The following CACNA1C variants were observed in gnomAD, a reference collection of about 807,000 sequenced individuals.
The protein encoded by CACNA1C is voltage-dependent L-type calcium channel subunit alpha-1C.
In CACNA1C, 30 loss-of-function variants were observed where a neutral mutation model predicts 229.0. That is an observed-to-expected ratio of 0.13 (90% CI 0.10 to 0.18). The LOEUF is 0.18. Ranked by LOEUF, CACNA1C falls within the 10% of genes least tolerant of loss-of-function variation. The probability of loss-of-function intolerance (pLI) is 1.00; values close to 1 mark genes in which losing one functional copy is unlikely to be tolerated. For missense variants in CACNA1C, 1,658 were observed against 2,845.0 expected, an observed-to-expected ratio of 0.58 and a Z score of 9.49; for synonymous variants, 1,114 against 1,132.5, an observed-to-expected ratio of 0.98 and a Z score of 0.33.
intron 1 of CACNA1C, among the ~76,000 whole-genome samples, chr12:2,068,166 G>C (rs1301887462): frequency 3.3e-5 from 5 of 152,214 alleles, no homozygotes; most frequent in Non-Finnish European, 7.3e-5. Flanking sequence ...ATGAAAGGAT[G>C]TGAGTCTTTG....
At chr12:2,036,558 C>CG (rs2049173884) in intron 1 of CACNA1C, among the ~76,000 whole-genome samples, 1 of 151,984 alleles carries the variant, frequency 6.6e-6, no homozygotes, top group African/African-American at 2.4e-5. Context: ...CTCTGCCTCT[C>CG]GGGTTCAAGA....
intron 1 of CACNA1C, among the ~76,000 whole-genome samples, chr12:1,978,740 T>C (rs1297601052): frequency 1.3e-5 from 2 of 152,184 alleles, no homozygotes; most frequent in Non-Finnish European, 2.9e-5. Flanking sequence ...CTAGATTAGT[T>C]TTGCCTGTTC....
intron 3 of CACNA1C, among the ~76,000 whole-genome samples, chr12:2,373,845 T>C (rs2097940472): frequency 6.6e-6 from 1 of 152,246 alleles, no homozygotes; most frequent in African/African-American, 2.4e-5. Context: ...CCTCATGCTT[T>C]TCTCCAGTAT....
At chr12:2,262,325 G>A (rs966307328) in intron 3 of CACNA1C, among the ~76,000 whole-genome samples, 10 of 152,238 alleles carry the variant, frequency 6.6e-5, no homozygotes, top group Non-Finnish European at 8.8e-5. Context: ...GTGTTGGCAT[G>A]TAATTTGGAA....
intron 3 of CACNA1C, among the ~76,000 whole-genome samples, chr12:2,393,515 T>G (rs569488743): frequency 6.6e-6 from 1 of 152,346 alleles, no homozygotes; most frequent in East Asian, 1.9e-4. Flanking sequence ...AGCCGAAAGC[T>G]TACCCCCACT....
chr12:2,523,030 G>A lies in CACNA1C; in HGVS notation c.1390+10046G>A, dbSNP rs111267478. On this transcript the variant is annotated intron_variant, in intron 9 of 46. Coordinates refer to ENST00000399655, the MANE Select transcript of CACNA1C (RefSeq NM_000719.7). ...AGGGGAACCAGAAGTGGGCCCTCCA[G>A]TCCCCCAGCCGGAACAGCCTGTGAA... is the stretch of plus-strand genomic sequence containing the variant. 4.6e-5 allele frequency among the ~76,000 whole-genome samples: 7 copies of A among 151,814 alleles called. 1 individual carries two copies. Among genetic ancestry groups the A allele is most frequent in the African/African-American group, 1.7e-4 (7 of 41,344 alleles).
chr12:2,497,634 A>G (rs1486792144), intron 7 of CACNA1C, among the ~76,000 whole-genome samples: 5 of 151,962 alleles, frequency 3.3e-5, no homozygotes, highest in Non-Finnish European at 5.9e-5. Flanking sequence ...TTCCCATCCT[A>G]TTGGGACCAC....
At chr12:2,499,356 C>T (rs73046238) in intron 7 of CACNA1C, among the ~76,000 whole-genome samples, 2,034 of 152,100 alleles carry the variant, frequency 0.013, 31 homozygotes, top group Non-Finnish European at 0.023. Flanking sequence ...TTTGCTGAAA[C>T]GATTCAGCCT....
In CACNA1C at chr12:2,658,149, A is replaced by C. The variant is rs570206075; in HGVS notation, c.4232+2911A>C. 2.8e-4 allele frequency among the ~76,000 whole-genome samples: 42 copies of C among 152,342 alleles called. No homozygotes were observed. In the South Asian group the frequency reaches 8.3e-3, roughly 30 times the overall value. ...TATACTCAGTAAATGGCCAAAAAAA[A>C]CACATTCTTTTTAAACACCTCAGAA... On this transcript the variant is annotated intron_variant, in intron 34 of 46. Coordinates refer to ENST00000399655, the MANE Select transcript of CACNA1C (RefSeq NM_000719.7).
chr12:2,042,612 C>T (rs976929211), intron 1 of CACNA1C, among the ~76,000 whole-genome samples: 1 of 152,176 alleles, frequency 6.6e-6, no homozygotes, highest in African/African-American at 2.4e-5. Flanking sequence ...ATTCACACCA[C>T]AGGGATATGG....
intron 3 of CACNA1C, among the ~76,000 whole-genome samples, chr12:2,314,968 G>A (rs897518060): frequency 2.0e-5 from 3 of 152,150 alleles, no homozygotes; most frequent in Non-Finnish European, 4.4e-5. Flanking sequence ...CTCAGCCCCT[G>A]CCGACTTGCC....
At chr12:2,031,828 C>T (rs1423609494) in intron 1 of CACNA1C, among the ~76,000 whole-genome samples, 1 of 152,090 alleles carries the variant, frequency 6.6e-6, no homozygotes, top group East Asian at 1.9e-4. Flanking sequence ...TGAGATGCCC[C>T]GAGAATACTG....
In CACNA1C at chr12:2,677,900, A is replaced by G. The variant is rs773679302; in HGVS notation, c.5091+33A>G. On this transcript the variant is annotated intron_variant, in intron 41 of 46. Coordinates refer to ENST00000399655, the MANE Select transcript of CACNA1C (RefSeq NM_000719.7). The surrounding 1 kb of genome is among the most constrained non-coding windows in gnomAD (Gnocchi z 7.4). Reference sequence around the variant, plus strand: ...GTGCCATGGCGCACTCTCGACCCCTATAAAGTTCAGTTTGGAGCAAGAGGT... The same window carrying G: ...GTGCCATGGCGCACTCTCGACCCCTGTAAAGTTCAGTTTGGAGCAAGAGGT... 3 of 1,610,972 alleles carry G rather than the reference A, an allele frequency of 1.9e-6. No individual in the cohort carries two copies. The highest frequency in any genetic ancestry group is 2.5e-6 in the Non-Finnish European group (3 of 1,177,674).
intron 3 of CACNA1C, among the ~76,000 whole-genome samples, chr12:2,357,118 A>T (rs547342610): frequency 6.6e-6 from 1 of 152,322 alleles, no homozygotes; most frequent in East Asian, 1.9e-4. Flanking sequence ...TCACTCATTG[A>T]TGAGAACCAA....
intron 9 of CACNA1C, among the ~76,000 whole-genome samples, chr12:2,520,653 A>G: frequency 8.4e-6 from 1 of 119,212 alleles, no homozygotes; most frequent in South Asian, 3.1e-4. Flanking sequence ...CAGTCTTCTC[A>G]TTGACCAATG....
chr12:2,092,598 G>A (rs764310467), intron 1 of CACNA1C, among the ~76,000 whole-genome samples: 4 of 152,210 alleles, frequency 2.6e-5, no homozygotes, highest in African/African-American at 7.2e-5. Flanking sequence ...GACAGTTGGC[G>A]TCCTTCAGTG....
chr12:2,311,373 T>G (rs958214716), intron 3 of CACNA1C, among the ~76,000 whole-genome samples: 2 of 152,202 alleles, frequency 1.3e-5, no homozygotes, highest in African/African-American at 2.4e-5. Context: ...CTGTATTCTC[T>G]AAGGCCTGCA....
chr12:2,393,048 A>C (rs903607842), intron 3 of CACNA1C, among the ~76,000 whole-genome samples: 1 of 152,100 alleles, frequency 6.6e-6, no homozygotes, highest in Non-Finnish European at 1.5e-5. Flanking sequence ...GTACAAACAC[A>C]TGCCCCTCAG....
chr12:2,662,588 T>C (rs892860588), intron 34 of CACNA1C, among the ~76,000 whole-genome samples: 13 of 152,136 alleles, frequency 8.5e-5, no homozygotes, highest in Admixed American at 7.2e-4. Flanking sequence ...CTCAGTGCAA[T>C]TCTAATAAGA....
Sources: gnomAD v4.1 joint callset for allele counts (sites outside exome capture counted in the v4.1 genomes callset) on GRCh38, gnomAD v4.1.1 for gene constraint, Gnocchi (gnomAD v3.1) non-coding constraint, MANE v1.5 for transcripts, NCBI Gene and HGNC (gene_info 2026-07-23, HGNC 2026-07-21) for gene names.